Variants in CDH13 observed in about 807,000 individuals in gnomAD.
CDH13 encodes the protein cadherin-13.
In CDH13, 24 loss-of-function variants were observed where a neutral mutation model predicts 63.8. That is an observed-to-expected ratio of 0.38 (90% confidence interval 0.27 to 0.53). The LOEUF is 0.53. Ranked by LOEUF, CDH13 falls within the 20% of genes least tolerant of loss-of-function variation. CDH13 has a pLI of 0.85. For synonymous variants in CDH13, 503 were observed against 355.3 expected, an observed-to-expected ratio of 1.42 and a Z score of -4.67; for missense variants, 1,049 against 903.1, an observed-to-expected ratio of 1.16 and a Z score of -2.07.
At chr16:82,801,809 T>G (rs2036868010) in intron 1 of CDH13, among the ~76,000 whole-genome samples, 1 of 151,036 alleles carries the variant, frequency 6.6e-6, no homozygotes, top group Non-Finnish European at 1.5e-5. Flanking sequence ...GGTCAGGAGA[T>G]AGCTTTAAAA....
At chr16:83,402,994 T>C (rs1009988618) in intron 6 of CDH13, among the ~76,000 whole-genome samples, 4 of 152,292 alleles carry the variant, frequency 2.6e-5, no homozygotes, top group Middle Eastern at 6.8e-3. Context: ...TTAAAGCATG[T>C]CTGAGCTCCC....
chr16:83,250,530 C>T (rs1189282374), intron 5 of CDH13, among the ~76,000 whole-genome samples: 1 of 152,108 alleles, frequency 6.6e-6, no homozygotes, highest in Non-Finnish European at 1.5e-5. Context: ...AGCAGAGAAG[C>T]GAGCGTTCAT....
intron 1 of CDH13, among the ~76,000 whole-genome samples, chr16:82,710,574 T>TATAA (rs1555537865): frequency 8.2e-6 from 1 of 122,046 alleles, no homozygotes; most frequent in African/African-American, 2.9e-5. Context: ...TATATATATA[T>TATAA]ATAAATATAT....
At chr16:83,498,819 A>G (rs889539056) in intron 7 of CDH13, among the ~76,000 whole-genome samples, 1 of 152,214 alleles carries the variant, frequency 6.6e-6, no homozygotes, top group Non-Finnish European at 1.5e-5. Context: ...TTTCATTCTC[A>G]TCAGGCCATA....
At chr16:82,971,630 C>T (rs1232973827) in intron 2 of CDH13, among the ~76,000 whole-genome samples, 1 of 152,198 alleles carries the variant, frequency 6.6e-6, no homozygotes, top group African/African-American at 2.4e-5. Context: ...GACAAGATGG[C>T]TGGGTGTAGT....
At chr16:82,705,535 G>A (rs1009834167) in intron 1 of CDH13, among the ~76,000 whole-genome samples, 9 of 152,152 alleles carry the variant, frequency 5.9e-5, no homozygotes, top group African/African-American at 2.2e-4. Context: ...TGAGCAGTAG[G>A]AATTTCATGG....
intron 2 of CDH13, among the ~76,000 whole-genome samples, chr16:83,020,727 A>G (rs1220759532): frequency 6.6e-6 from 1 of 152,110 alleles, no homozygotes; most frequent in Non-Finnish European, 1.5e-5. Context: ...CTCCCTCTCT[A>G]GGTGCTCATG....
At chr16:82,875,587 C>G (rs968250067) in intron 2 of CDH13, among the ~76,000 whole-genome samples, 3 of 152,028 alleles carry the variant, frequency 2.0e-5, no homozygotes, top group Non-Finnish European at 4.4e-5. Flanking sequence ...TTTAATGTGT[C>G]ACAGTAACAT....
intron 5 of CDH13, among the ~76,000 whole-genome samples, chr16:83,325,647 A>G (rs1344024286): frequency 6.6e-6 from 1 of 152,064 alleles, no homozygotes; most frequent in Non-Finnish European, 1.5e-5. Flanking sequence ...TAACTCGACG[A>G]CCTCTATTCT....
chr16:83,608,922 A>G (rs937646602), intron 8 of CDH13, among the ~76,000 whole-genome samples: 2 of 152,144 alleles, frequency 1.3e-5, no homozygotes, highest in East Asian at 3.9e-4. Context: ...TCATATAACA[A>G]TTACATAAGA....
At chr16:83,434,460 C>T (rs1252982933) in intron 6 of CDH13, among the ~76,000 whole-genome samples, 1 of 152,022 alleles carries the variant, frequency 6.6e-6, no homozygotes, top group African/African-American at 2.4e-5. Flanking sequence ...AGCCCTGCCA[C>T]CTCTCTTCAC....
intron 11 of CDH13, among the ~76,000 whole-genome samples, chr16:83,766,107 G>A (rs1479957769): frequency 1.3e-5 from 2 of 152,136 alleles, no homozygotes; most frequent in Non-Finnish European, 2.9e-5. Flanking sequence ...GCTTCCTTGG[G>A]ACACTAGCCA....
At chr16:83,738,531 AC>A (rs1567562858) in intron 10 of CDH13, among the ~76,000 whole-genome samples, 2 of 152,260 alleles carry the variant, frequency 1.3e-5, no homozygotes, top group African/African-American at 2.4e-5. Context: ...AGTTGGAGCC[AC>A]CCCCTACCAC....
At chr16:83,429,885 C>T (rs116014558) in intron 6 of CDH13, among the ~76,000 whole-genome samples, 3 of 152,212 alleles carry the variant, frequency 2.0e-5, no homozygotes, top group Non-Finnish European at 4.4e-5. Context: ...TTGCCAAAAG[C>T]TATCTAGAGC....
At chr16:83,502,579 A>G (rs961231187) in intron 7 of CDH13, among the ~76,000 whole-genome samples, 9 of 152,146 alleles carry the variant, frequency 5.9e-5, no homozygotes, top group African/African-American at 1.7e-4. Flanking sequence ...CCTTTTTTAT[A>G]TGGTTTGTGG....
intron 1 of CDH13, among the ~76,000 whole-genome samples, chr16:82,739,619 A>G (rs2033842580): frequency 6.6e-6 from 1 of 152,198 alleles, no homozygotes; most frequent in Non-Finnish European, 1.5e-5. Flanking sequence ...AATTAAATGA[A>G]GACACGGGAA....
chr16:83,278,278 C>T (rs1043303688), intron 5 of CDH13, among the ~76,000 whole-genome samples: 1 of 152,144 alleles, frequency 6.6e-6, no homozygotes, highest in African/African-American at 2.4e-5. Flanking sequence ...AAGCTTAAAC[C>T]AGATCCAGCT....
At chr16:83,241,925 A>T (rs1240546675) in intron 5 of CDH13, among the ~76,000 whole-genome samples, 1 of 152,164 alleles carries the variant, frequency 6.6e-6, no homozygotes, top group Non-Finnish European at 1.5e-5. Context: ...CAATGTCCTG[A>T]AGCTTTCCCA....
rs566995927 is a variant in CDH13 at position 83,141,604 on chromosome 16, A to C, written c.483+16103A>C. Among the ~76,000 whole-genome samples the C allele has an allele frequency of 2.6e-5, 4 of 152,206 alleles. 1 individual carries two copies. The South Asian group carries it at 6.2e-4, about 24-fold the overall frequency. ...CCATGGTGGCTTGCTGCACCTATCA[A>C]CCCATCATCTACGTTTTAAGCCCCG... On this transcript the variant is annotated intron_variant, in intron 4 of 13. Transcript: ENST00000567109.
Sources: allele counts gnomAD v4.1 joint callset (sites outside exome capture counted in the v4.1 genomes callset), GRCh38; gene constraint gnomAD v4.1.1; transcripts MANE v1.5; gene names NCBI Gene and HGNC (gene_info 2026-07-23, HGNC 2026-07-21).